The following ERGIC1 variants were observed in gnomAD, a reference collection of about 807,000 sequenced individuals.
ERGIC1 encodes endoplasmic reticulum-Golgi intermediate compartment protein 1.
ERGIC1 carries 19 observed loss-of-function variants against 38.3 expected under a neutral mutation model. The ratio of observed to expected loss-of-function variants is 0.50; its 90% CI spans 0.35 to 0.73. ERGIC1 has a LOEUF of 0.73. Ranked by LOEUF, ERGIC1 falls within the 30% of genes least tolerant of loss-of-function variation. The probability of loss-of-function intolerance (pLI) is 0.01; values close to 1 mark genes in which losing one functional copy is unlikely to be tolerated. For synonymous variants in ERGIC1, 124 were observed against 157.6 expected (o/e 0.79, Z 1.60); for missense variants, 294 against 389.2 (o/e 0.76, Z 2.06).
intron 9 of ERGIC1, among the ~76,000 whole-genome samples, chr5:172,944,191 T>G (rs868378800): frequency 2.0e-5 from 3 of 152,158 alleles, no homozygotes; most frequent in Middle Eastern, 3.2e-3. Context: ...GAGGTGGCCC[T>G]CCCTGGCTCA....
chr5:172,873,867 G>A (rs1176202463), intron 1 of ERGIC1, among the ~76,000 whole-genome samples: 4 of 152,198 alleles, frequency 2.6e-5, no homozygotes, highest in South Asian at 2.1e-4. Flanking sequence ...CCCCTTTCCC[G>A]TCCCTCTGTT....
At chr5:172,898,452 C>G (rs1332028589) in intron 3 of ERGIC1, 2 of 152,226 alleles carry the variant, frequency 1.3e-5, no homozygotes, top group Admixed American at 1.3e-4. Flanking sequence ...GACAGGAGGG[C>G]TGGTCTCACC....
chr5:172,950,404 C>G (rs1334730904), intron 9 of ERGIC1, among the ~76,000 whole-genome samples: 1 of 152,216 alleles, frequency 6.6e-6, no homozygotes, highest in Non-Finnish European at 1.5e-5. Context: ...TGATGAACCT[C>G]AGTTTCCTCC....
chr5:172,928,938 G>A (rs569361046), intron 7 of ERGIC1, among the ~76,000 whole-genome samples: 20 of 152,282 alleles, frequency 1.3e-4, no homozygotes, highest in African/African-American at 4.8e-4. Context: ...CATTGTGAGT[G>A]CTCAATAAAT....
At chr5:172,889,405 TA>T (rs575418861) in intron 2 of ERGIC1, among the ~76,000 whole-genome samples, 45 of 147,246 alleles carry the variant, frequency 3.1e-4, no homozygotes, top group African/African-American at 5.0e-4. Flanking sequence ...TTTTATCCAT[TA>T]AAAAAAAAAA....
intron 9 of ERGIC1, among the ~76,000 whole-genome samples, chr5:172,938,802 G>A (rs1049983964): frequency 1.3e-5 from 2 of 151,422 alleles, no homozygotes; most frequent in Admixed American, 6.6e-5. Flanking sequence ...GGTGGCTCAC[G>A]CCTGTAATCC....
chr5:172,908,716 G>A (rs566181338), intron 3 of ERGIC1, among the ~76,000 whole-genome samples: 1 of 152,346 alleles, frequency 6.6e-6, no homozygotes, highest in Admixed American at 6.5e-5. Flanking sequence ...AACACAGCCC[G>A]TTTTAGACTT....
At chr5:172,949,601 GAC>G (rs777714558) in intron 9 of ERGIC1, among the ~76,000 whole-genome samples, 14 of 151,354 alleles carry the variant, frequency 9.2e-5, no homozygotes, top group Admixed American at 2.6e-4. Flanking sequence ...GGGCAATTTT[GAC>G]ATCTGGGGAC....
chr5:172,868,124 C>G (rs793024), intron 1 of ERGIC1, among the ~76,000 whole-genome samples: 1 of 152,228 alleles, frequency 6.6e-6, no homozygotes, highest in South Asian at 2.1e-4. Flanking sequence ...ATCCACCATG[C>G]GCTTGCTACG....
At position 172,951,741 on chromosome 5, in the gene ERGIC1, C is replaced by T. The variant is rs1350103331; in HGVS notation, c.*925C>T. 1.3e-5 allele frequency: 2 copies of T among 152,280 alleles called. No individual in the cohort carries two copies. Among genetic ancestry groups the T allele is most frequent in the Admixed American group, 6.5e-5 (1 of 15,288 alleles). The allele number at this position is 152,280 out of a possible 1,614,324, so 9.4% of individuals were successfully genotyped here. A position where few individuals can be genotyped will look rare whatever the true frequency, so the allele number is the denominator to read the frequency against. On this transcript the variant is annotated 3_prime_UTR_variant, in exon 10 of 10. Transcript: ENST00000393784. Reference sequence around the variant, plus strand: ...TAGACATGGTTTGTGCACTTACGTCCAGATGGGAAGCATCCTTCCTGCAAC... The same window carrying T: ...TAGACATGGTTTGTGCACTTACGTCTAGATGGGAAGCATCCTTCCTGCAAC...
At chr5:172,887,314 C>G (rs1244531240) in intron 1 of ERGIC1, among the ~76,000 whole-genome samples, 1 of 152,182 alleles carries the variant, frequency 6.6e-6, no homozygotes, top group African/African-American at 2.4e-5. Flanking sequence ...AGGGTTCTGT[C>G]GATCAAACTC....
chr5:172,882,603 A>G (rs768720042), intron 1 of ERGIC1, among the ~76,000 whole-genome samples: 8 of 152,104 alleles, frequency 5.3e-5, no homozygotes, highest in Non-Finnish European at 1.0e-4. Flanking sequence ...AGATATCAGT[A>G]TTTTCCAGGG....
At chr5:172,900,036 TC>T (rs1762829942) in intron 3 of ERGIC1, among the ~76,000 whole-genome samples, 1 of 152,206 alleles carries the variant, frequency 6.6e-6, no homozygotes, top group Admixed American at 6.5e-5. Context: ...TGTCCCCTCT[TC>T]CGCTTTGAGT....
intron 1 of ERGIC1, among the ~76,000 whole-genome samples, chr5:172,853,114 C>A (rs1405132358): frequency 1.3e-5 from 2 of 152,146 alleles, no homozygotes; most frequent in Admixed American, 6.5e-5. Context: ...TGTGTTCATG[C>A]CTTTGCTGCA....
At chr5:172,881,019 C>T (rs982848401) in intron 1 of ERGIC1, among the ~76,000 whole-genome samples, 1 of 152,214 alleles carries the variant, frequency 6.6e-6, no homozygotes, top group Admixed American at 6.5e-5. Flanking sequence ...GAGGCTGAGG[C>T]AGGCAGATCA....
chr5:172,853,642 C>T (rs935348253), intron 1 of ERGIC1, among the ~76,000 whole-genome samples: 1 of 152,200 alleles, frequency 6.6e-6, no homozygotes, highest in Non-Finnish European at 1.5e-5. Context: ...GAATCAGGGT[C>T]CAGGCCTTGG....
At chr5:172,859,747 CA>C (rs1761650148) in intron 1 of ERGIC1, among the ~76,000 whole-genome samples, 1 of 152,216 alleles carries the variant, frequency 6.6e-6, no homozygotes, top group South Asian at 2.1e-4. Context: ...TGCCCTTGGA[CA>C]GGGGACAGCC....
intron 1 of ERGIC1, among the ~76,000 whole-genome samples, chr5:172,852,124 G>T (rs1250057006): frequency 6.6e-6 from 1 of 152,128 alleles, no homozygotes; most frequent in Non-Finnish European, 1.5e-5. Flanking sequence ...GCATTGCCAT[G>T]ATTTGATTGG....
In ERGIC1 at chr5:172,935,046, A is replaced by T. The variant is rs2113472341; in HGVS notation, c.643-142A>T. On this transcript the variant is annotated intron_variant, in intron 8 of 9. Coordinates refer to ENST00000393784, the MANE Select transcript of ERGIC1 (RefSeq NM_001031711.3). ...GCCTCCAGGGGAAGGGATGTGAGAG[A>T]GGGAGTGGGGGAGTCTGGCTTCGTG... 2.5e-6 allele frequency: 3 copies of T among 1,191,274 alleles called. No homozygotes were observed. The East Asian group carries it at 7.0e-5, about 28-fold the overall frequency. 73.8% of individuals were successfully genotyped at this position (1,191,274 alleles called of 1,614,324 possible).
Sources: allele counts gnomAD v4.1 joint callset (sites outside exome capture counted in the v4.1 genomes callset), GRCh38; gene constraint gnomAD v4.1.1; transcripts MANE v1.5; gene names NCBI Gene and HGNC (gene_info 2026-07-23, HGNC 2026-07-21).